Variants in TSNARE1 observed in about 807,000 individuals in gnomAD.
TSNARE1 encodes t-SNARE domain containing 1, also known as t-SNARE domain-containing protein 1.
In TSNARE1, 49 loss-of-function variants were observed where a neutral mutation model predicts 62.0. The observed-to-expected ratio is 0.79, with a 90% CI of 0.63 to 1.00. TSNARE1 has a LOEUF of 1.00. Ranked by LOEUF, TSNARE1 falls within the 50% of genes least tolerant of loss-of-function variation. The probability of loss-of-function intolerance (pLI) is 0.00; values close to 1 mark genes in which losing one functional copy is unlikely to be tolerated. For synonymous variants in TSNARE1, 328 were observed against 294.4 expected, an observed-to-expected ratio of 1.11 and a Z score of -1.17; for missense variants, 755 against 700.1, an observed-to-expected ratio of 1.08 and a Z score of -0.88.
At chr8:142,384,344 A>G (rs1256917183) in intron 1 of TSNARE1, among the ~76,000 whole-genome samples, 5 of 152,222 alleles carry the variant, frequency 3.3e-5, no homozygotes, top group African/African-American at 1.2e-4. Flanking sequence ...AAACTAACAC[A>G]TTCTAAAATG....
At position 142,314,418 on chromosome 8, in the gene TSNARE1, G is replaced by T. The variant is rs149043616; in HGVS notation, c.1097C>A (p.Ala366Glu). ...GCCCCTCTGCGCCATGGGAAGCAGCGCTCTGGACTTTTCTGCAATTTTCTG... is the reference window on the plus strand; with the variant it reads ...GCCCCTCTGCGCCATGGGAAGCAGCTCTCTGGACTTTTCTGCAATTTTCTG... ...VQKKIAEKSR[A>E]LLPMAQRGSK... The change falls in exon 9 of 14, where the codon GCG becomes GAG. Residue 366 changes from alanine to glutamate, a missense_variant. Transcript: ENST00000524325. 1 of 1,613,884 alleles carries T rather than the reference G, an allele frequency of 6.2e-7. No individual in the cohort carries two copies. The highest frequency in any genetic ancestry group is 1.3e-5 in the African/African-American group (1 of 74,944).
At chr8:142,328,438 A>T (rs1830554099) in intron 6 of TSNARE1, among the ~76,000 whole-genome samples, 3 of 152,196 alleles carry the variant, frequency 2.0e-5, no homozygotes, top group Non-Finnish European at 4.4e-5. Context: ...TGTTCAGGAA[A>T]GTTTTAAGTT....
intron 4 of TSNARE1, among the ~76,000 whole-genome samples, chr8:142,338,494 C>A (rs931815978): frequency 4.7e-5 from 7 of 150,394 alleles, no homozygotes; most frequent in Non-Finnish European, 1.0e-4. Flanking sequence ...GACCACTGGG[C>A]AAGCTGACAG....
chr8:142,381,833 G>A (rs1018218723), intron 1 of TSNARE1, among the ~76,000 whole-genome samples: 1 of 152,194 alleles, frequency 6.6e-6, no homozygotes. Flanking sequence ...GACAAGCCCT[G>A]CCTGCCTTGG....
At chr8:142,270,140 C>G (rs1819389551) in intron 12 of TSNARE1, 1 of 985,442 alleles carries the variant, frequency 1.0e-6, no homozygotes, top group Non-Finnish European at 1.2e-6. Context: ...CGCTCCTGCT[C>G]GCTCCCGACG....
At chr8:142,357,640 T>C (rs1834850903) in intron 1 of TSNARE1, among the ~76,000 whole-genome samples, 1 of 152,132 alleles carries the variant, frequency 6.6e-6, no homozygotes, top group African/African-American at 2.4e-5. Flanking sequence ...ACACGGACAG[T>C]GCTTTGACTT....
chr8:142,213,960 GC>G (rs562597099), intron 13 of TSNARE1, among the ~76,000 whole-genome samples: 203 of 152,056 alleles, frequency 1.3e-3, no homozygotes, highest in African/African-American at 4.6e-3. Flanking sequence ...ATCAGAGCCA[GC>G]CCCCCCGGGA....
intron 12 of TSNARE1, among the ~76,000 whole-genome samples, chr8:142,271,895 T>C (rs1480689079): frequency 6.6e-6 from 1 of 151,950 alleles, no homozygotes; most frequent in African/African-American, 2.4e-5. Flanking sequence ...TTTACTCTAG[T>C]AGTGCTGGGA....
chr8:142,388,591 TC>T (rs1176118469), intron 1 of TSNARE1, among the ~76,000 whole-genome samples: 9 of 122,824 alleles, frequency 7.3e-5, no homozygotes, highest in Non-Finnish European at 1.4e-4. Flanking sequence ...AGAGTCTCGC[TC>T]TGTCACCCAA....
chr8:142,291,253 G>A lies in TSNARE1; in HGVS notation c.1291-6768C>T, dbSNP rs148794515. ...AAGCAAAAGTCGGCTCTCCAGCATC[G>A]CGGTGAGGATGGCCTTGTGCTGGAG... On this transcript the variant is annotated intron_variant, in intron 10 of 13. Transcript: ENST00000524325. This position sits in a 1 kb window ranked among gnomAD's most constrained non-coding sequence, Gnocchi z 4.8. Among the ~76,000 whole-genome samples, 712 of 151,780 alleles carry A rather than the reference G, an allele frequency of 4.7e-3. 4 individuals are homozygous for A. Among genetic ancestry groups the A allele is most frequent in the Non-Finnish European group, 7.9e-3 (535 of 67,982 alleles).
intron 13 of TSNARE1, among the ~76,000 whole-genome samples, chr8:142,215,040 G>T (rs1277344057): frequency 1.3e-5 from 2 of 152,220 alleles, no homozygotes; most frequent in African/African-American, 4.8e-5. Flanking sequence ...CTCTGTCCAT[G>T]CTCCTAGCCA....
intron 12 of TSNARE1, among the ~76,000 whole-genome samples, chr8:142,266,787 T>A (rs1819156347): frequency 6.6e-6 from 1 of 152,180 alleles, no homozygotes; most frequent in South Asian, 2.1e-4. Context: ...ATTTCACTGA[T>A]CCTCCTCTTC....
chr8:142,249,088 G>A (rs1208546232), intron 12 of TSNARE1, among the ~76,000 whole-genome samples: 1 of 152,230 alleles, frequency 6.6e-6, no homozygotes, highest in Non-Finnish European at 1.5e-5. Flanking sequence ...CCGGGCCCCC[G>A]CCAGACCGCA....
At chr8:142,306,689 T>C (rs1485034155) in intron 9 of TSNARE1, among the ~76,000 whole-genome samples, 1 of 152,228 alleles carries the variant, frequency 6.6e-6, no homozygotes, top group Non-Finnish European at 1.5e-5. Flanking sequence ...AGCATCAACT[T>C]GGCAACAGTC....
chr8:142,358,233 G>A (rs1018612369), intron 1 of TSNARE1, among the ~76,000 whole-genome samples: 3 of 106,614 alleles, frequency 2.8e-5, no homozygotes, highest in African/African-American at 5.5e-5. Flanking sequence ...AGCAGCCAGC[G>A]GCCATCACTG....
chr8:142,350,034 G>GGGCAGGGCTGGGACCAGGGCA (rs1206319572), intron 2 of TSNARE1, among the ~76,000 whole-genome samples: 62 of 137,592 alleles, frequency 4.5e-4, no homozygotes, highest in Non-Finnish European at 5.0e-4. Flanking sequence ...CAGGCAGGGC[G>GGGCAGGGCTGGGACCAGGGCA]GGCAGGGCTG....
chr8:142,279,987 C>T, intron 11 of TSNARE1: 2 of 1,158,064 alleles, frequency 1.7e-6, no homozygotes, highest in Non-Finnish European at 2.1e-6. Context: ...GCTTCTTGCG[C>T]ACAGCACCTC....
chr8:142,295,186 A>T (rs1017092512), intron 10 of TSNARE1, among the ~76,000 whole-genome samples: 1 of 138,130 alleles, frequency 7.2e-6, no homozygotes, highest in Non-Finnish European at 1.7e-5. Context: ...CAGCTCCCAC[A>T]TGTGACTGGC....
At chr8:142,375,771 C>T (rs1836282534) in intron 1 of TSNARE1, among the ~76,000 whole-genome samples, 1 of 152,224 alleles carries the variant, frequency 6.6e-6, no homozygotes, top group Admixed American at 6.5e-5. Flanking sequence ...CAACTGAGGC[C>T]CAGAAGATGC....
Sources: allele counts gnomAD v4.1 joint callset (sites outside exome capture counted in the v4.1 genomes callset), GRCh38; gene constraint gnomAD v4.1.1; non-coding constraint Gnocchi (gnomAD v3.1); transcripts MANE v1.5; gene names NCBI Gene and HGNC (gene_info 2026-07-23, HGNC 2026-07-21).